CELA1: variants seen among roughly 807,000 people sequenced by gnomAD.
CELA1 encodes chymotrypsin-like elastase family member 1.
Under a neutral mutation model 34.8 loss-of-function variants are expected in CELA1, and 28 were observed. That is an observed-to-expected ratio of 0.80 (90% confidence interval 0.60 to 1.10). The LOEUF (loss-of-function observed/expected upper bound fraction) is 1.10, where lower values mean the gene tolerates loss of function less well. Ranked by LOEUF, CELA1 falls within the 50% of genes least tolerant of loss-of-function variation. The probability of loss-of-function intolerance (pLI) is 0.00; values close to 1 mark genes in which losing one functional copy is unlikely to be tolerated. For synonymous variants in CELA1, 140 were observed against 129.8 expected, an observed-to-expected ratio of 1.08 and a Z score of -0.53; for missense variants, 288 against 327.5, an observed-to-expected ratio of 0.88 and a Z score of 0.93.
intron 6 of CELA1, among the ~76,000 whole-genome samples, chr12:51,335,006 T>C (rs959961612): frequency 1.1e-4 from 16 of 152,190 alleles, no homozygotes; most frequent in African/African-American, 3.9e-4. Context: ...AGCAGTCAAG[T>C]TGACTCCTCC....
Position 51,329,744 on chromosome 12 carries a change from A to T in CELA1, c.699T>A (p.Asn233Lys), listed in dbSNP as rs1365586704. 1.2e-6 allele frequency: 2 copies of T among 1,613,964 alleles called. No individual in the cohort carries two copies. Among genetic ancestry groups the T allele is most frequent in the African/African-American group, 2.7e-5 (2 of 74,914 alleles). Residue 233 changes from asparagine to lysine, a missense_variant, in exon 7 of 8, where the codon AAT (asparagine) becomes AAA (lysine). Physicochemically the swap from Asn to Lys is moderately conservative, Grantham distance 94 (BLOSUM62 0). Transcript: ENST00000293636. ...TGAAGACTGTAGGCTTCCTGGAGAC[A>T]TTACAGCCCCGGCTGGACACAAAGC... ...VTSFVSSRGC[N>K]VSRKPTVFTQ...
At position 51,342,687 on chromosome 12, in the gene CELA1, G is replaced by A. The variant is rs749956553; in HGVS notation, c.214C>T (p.Arg72Cys). Residue 72 changes from arginine (R) to cysteine (C), a missense_variant, in exon 4 of 8, where the codon CGC becomes TGC. Arg to Cys is a radical substitution (Grantham distance 180). Transcript: ENST00000293636. The part of the protein sequence containing the change: ...AHCVDYQKTF[R>C]VVAGDHNLSQ... ...AGGTTATGGTCTCCAGCCACCACGC[G>A]GAAAGTCTTCTGGCTGGCGTGAGAG... The A allele has an allele frequency of 1.5e-5, 24 of 1,613,958 alleles. No homozygotes were observed. Among genetic ancestry groups the A allele is most frequent in the African/African-American group, 5.3e-5 (4 of 74,908 alleles).
chr12:51,345,424 G>A (rs576217922), intron 2 of CELA1, among the ~76,000 whole-genome samples: 5 of 152,370 alleles, frequency 3.3e-5, no homozygotes, highest in Middle Eastern at 3.4e-3. Context: ...GCGCACATGC[G>A]TGCAAGCATT....
At position 51,329,736 on chromosome 12, in the gene CELA1, C is replaced by T. The variant is rs1163483362; in HGVS notation, c.707G>A (p.Arg236Lys). The T allele has an allele frequency of 6.2e-7, 1 of 1,613,874 alleles. No homozygotes were observed. Among genetic ancestry groups the T allele is most frequent in the Non-Finnish European group, 8.5e-7 (1 of 1,179,986 alleles). The change falls in exon 7 of 8, where the codon AGG becomes AAG. Residue 236 changes from arginine to lysine, a missense_variant. Transcript: ENST00000293636. ...GACCTGGGTGAAGACTGTAGGCTTC[C>T]TGGAGACATTACAGCCCCGGCTGGA... ...FVSSRGCNVS[R>K]KPTVFTQVSA...
At chr12:51,338,250 A>C (rs534576002) in intron 6 of CELA1, among the ~76,000 whole-genome samples, 2 of 103,118 alleles carry the variant, frequency 1.9e-5, no homozygotes, top group South Asian at 3.2e-4. Context: ...GAAAAAAAAA[A>C]AACATACACA....
intron 7 of CELA1, among the ~76,000 whole-genome samples, chr12:51,329,224 A>G (rs1946453325): frequency 6.7e-6 from 1 of 148,554 alleles, no homozygotes; most frequent in African/African-American, 2.5e-5. Context: ...ACTGCACTCC[A>G]GCCTGGGTGA....
rs17860328 is a variant in CELA1, at chr12:51,336,921, CTT to C, written c.609+2937_609+2938del. On this transcript the variant is annotated intron_variant, in intron 6 of 7. Transcript: ENST00000293636. ...CCCTCTAGGCAATCTCCCTGCCTCTCTTGTCTTCTTCAAAAACATGCCTAAAG... is the reference window on the plus strand; with the variant it reads ...CCCTCTAGGCAATCTCCCTGCCTCTCGTCTTCTTCAAAAACATGCCTAAAG... 9.6e-3 allele frequency among the ~76,000 whole-genome samples: 1,462 copies of C among 152,312 alleles called. 8 individuals carry two copies. Among genetic ancestry groups the C allele is most frequent in the Non-Finnish European group, 0.015 (989 of 68,032 alleles).
chr12:51,332,586 C>T (rs2137475564), intron 6 of CELA1, among the ~76,000 whole-genome samples: 1 of 152,032 alleles, frequency 6.6e-6, no homozygotes, highest in South Asian at 2.1e-4. Context: ...AACTTGGGGC[C>T]AGGTGTGGTG....
chr12:51,329,467 G>C (rs904585269), intron 7 of CELA1, among the ~76,000 whole-genome samples: 1 of 152,074 alleles, frequency 6.6e-6, no homozygotes, highest in African/African-American at 2.4e-5. Context: ...AAACAATACA[G>C]TGAAGTCTGC....
intron 2 of CELA1, among the ~76,000 whole-genome samples, chr12:51,344,445 C>T (rs1457230317): frequency 6.6e-6 from 1 of 152,244 alleles, no homozygotes; most frequent in Admixed American, 6.5e-5. Context: ...GTGATCCTAG[C>T]ACATTGGGAG....
intron 7 of CELA1, among the ~76,000 whole-genome samples, chr12:51,329,262 A>G (rs1229233193): frequency 6.6e-6 from 1 of 151,734 alleles, no homozygotes; most frequent in Non-Finnish European, 1.5e-5. Flanking sequence ...TCAAAAAAAA[A>G]AAAAAAAAAA....
chr12:51,336,833 C>T (rs1482789559), intron 6 of CELA1, among the ~76,000 whole-genome samples: 3 of 152,176 alleles, frequency 2.0e-5, no homozygotes, highest in South Asian at 2.1e-4. Flanking sequence ...TTCCCTCCTC[C>T]GGTTCCTATC....
rs998966305 is a variant in CELA1, at chr12:51,339,500, G to A, written c.609+360C>T. On this transcript the variant is annotated intron_variant, in intron 6 of 7. Transcript: ENST00000293636. ...CCAGAGGCGGAGGTTGCAGTGAGCC[G>A]AGATCGTCCCATTGCACTCCAGTCT... Among the ~76,000 whole-genome samples the A allele has an allele frequency of 2.6e-5, 4 of 152,034 alleles. No homozygotes were observed. In the East Asian group the frequency reaches 5.8e-4, roughly 22 times the overall value.
Position 51,339,998 on chromosome 12 carries a change from C to T in CELA1, c.471G>A (p.Gly157=). 4 of 1,613,164 alleles carry T rather than the reference C, an allele frequency of 2.5e-6. No homozygotes were observed. The highest frequency in any genetic ancestry group is 2.5e-6 in the Non-Finnish European group (3 of 1,179,564). Residue 157 remains glycine, a synonymous_variant, in exon 6 of 8, where the codon GGG becomes GGA. Transcript: ENST00000293636. ...ITGWGKTKTN[G]QLAQTLQQAY... ...CCTGCTGCAGGGTCTGGGCCAGCTG[C>T]CCATTGGCTGAACAGGACACACGGC...
intron 2 of CELA1, 42 bp from the exon 3 acceptor site, chr12:51,343,895 T>C: frequency 8.6e-7 from 1 of 1,165,726 alleles, no homozygotes. Flanking sequence ...TTGGTGTTTC[T>C]CAAATGGTTT....
At chr12:51,338,271 CACACACACACACACACAT>C (rs1454111437) in intron 6 of CELA1, among the ~76,000 whole-genome samples, 17 of 46,828 alleles carry the variant, frequency 3.6e-4, no homozygotes, top group South Asian at 1.4e-3. Flanking sequence ...CACACACACA[CACACACACACACACACAT>C]ACACATACGC....
chr12:51,342,586 G>C lies in CELA1; in HGVS notation c.315C>G (p.Asn105Lys). The change falls in exon 4 of 8, where the codon AAC (asparagine) becomes AAG (lysine). Residue 105 changes from asparagine (N) to lysine (K), a missense_variant. Transcript: ENST00000293636. ...GGACTTGCTCCTACCCGGCAGCCAC[G>C]TTATCGCTGTTCCAGTATGGATGCA... ...IVVHPYWNSD[N>K]VAAGYDIALL... is the part of the protein sequence containing the mutation. The C allele has an allele frequency of 6.2e-7, 1 of 1,614,116 alleles. No homozygotes were observed. Among genetic ancestry groups the C allele is most frequent in the Non-Finnish European group, 8.5e-7 (1 of 1,179,996 alleles).
intron 2 of CELA1, 97 bp downstream of exon 2, chr12:51,345,698 C>T: frequency 1.1e-6 from 1 of 892,632 alleles, no homozygotes; most frequent in Non-Finnish European, 1.8e-6. Context: ...TGGAGAGCTG[C>T]TTGTTGATAG....
At chr12:51,329,446 C>T (rs1299874855) in intron 7 of CELA1, among the ~76,000 whole-genome samples, 1 of 151,962 alleles carries the variant, frequency 6.6e-6, no homozygotes, top group Non-Finnish European at 1.5e-5. Context: ...CACTGTCTTA[C>T]CCTAAGCAAT....
Sources: allele counts gnomAD v4.1 joint callset (sites outside exome capture counted in the v4.1 genomes callset), GRCh38; gene constraint gnomAD v4.1.1; transcripts MANE v1.5; gene names NCBI Gene and HGNC (gene_info 2026-07-23, HGNC 2026-07-21).